EPHX1: variants seen among roughly 807,000 people sequenced by gnomAD.
The protein encoded by EPHX1 is epoxide hydrolase 1.
A neutral mutation model predicts 43.2 loss-of-function variants in EPHX1; 40 were observed. That is an observed-to-expected ratio of 0.93 (90% confidence interval 0.72 to 1.21). The LOEUF (loss-of-function observed/expected upper bound fraction) is 1.21, where lower values mean the gene tolerates loss of function less well. EPHX1 is among the 50% of genes most tolerant of loss of function. The pLI, the probability that EPHX1 is intolerant of heterozygous loss-of-function variation, is 0.00. For synonymous variants in EPHX1, 221 were observed against 226.7 expected, an observed-to-expected ratio of 0.98 and a Z score of 0.22; for missense variants, 550 against 570.4, an observed-to-expected ratio of 0.96 and a Z score of 0.36.
chr1:225,842,897 G>A (rs1248386121), intron 7 of EPHX1, among the ~76,000 whole-genome samples: 1 of 152,196 alleles, frequency 6.6e-6, no homozygotes, highest in African/African-American at 2.4e-5. Flanking sequence ...TAATCTCTCA[G>A]AGCCTTAGAG....
rs778066559 is a variant in EPHX1 at position 225,839,928 on chromosome 1, C to T, written c.822C>T (p.Leu274=). Residue 274 remains leucine (L), a synonymous_variant, in exon 6 of 9, where the codon CTC becomes CTT. Coordinates refer to ENST00000272167, the MANE Select transcript of EPHX1 (RefSeq NM_001136018.4). ...LGQRFGRFLG[L]TERDVELLYP... is the part of the protein sequence containing the mutation. ...AGCGTTTCGGGAGGTTTCTTGGCCT[C>T]ACTGAGAGGGATGTGGAGCTGCTGT... 6 of 1,614,108 alleles carry T rather than the reference C, an allele frequency of 3.7e-6. No homozygotes were observed. Among genetic ancestry groups the T allele is most frequent in the Non-Finnish European group, 4.2e-6 (5 of 1,180,044 alleles).
Position 225,845,382 on chromosome 1 carries a change from A to C in EPHX1, c.*35A>C, listed in dbSNP as rs4653695. ...CTCCCCCCGCCTGCCACCTCCCCCC[A>C]CAAGTGCCCTCCAGGCTTTTCTTGG... is the stretch of plus-strand genomic sequence containing the variant. On this transcript the variant is annotated 3_prime_UTR_variant, in exon 9 of 9. Coordinates refer to ENST00000272167, the MANE Select transcript of EPHX1 (RefSeq NM_001136018.4). 161,565 of 1,352,544 alleles carry C rather than the reference A, an allele frequency of 0.12. 9,841 individuals carry two copies. The highest frequency in any genetic ancestry group is 0.29 in the Admixed American group (11,736 of 41,056). The allele number at this position is 1,352,544 out of a possible 1,614,324, so 83.8% of individuals were successfully genotyped here.
At chr1:225,831,196 G>A (rs1411088999) in intron 2 of EPHX1, among the ~76,000 whole-genome samples, 1 of 152,146 alleles carries the variant, frequency 6.6e-6, no homozygotes, top group African/African-American at 2.4e-5. Context: ...AAAGTTTGCC[G>A]ACTCCCGCTG....
At chr1:225,833,807 A>C (rs886683122) in intron 3 of EPHX1, among the ~76,000 whole-genome samples, 4 of 147,578 alleles carry the variant, frequency 2.7e-5, no homozygotes, top group East Asian at 4.0e-4. Flanking sequence ...AAAAAAAAAA[A>C]AAAAAACAGG....
chr1:225,834,589 T>TAAAAA (rs33985896), intron 3 of EPHX1, among the ~76,000 whole-genome samples: 6 of 121,148 alleles, frequency 5.0e-5, no homozygotes, highest in South Asian at 2.9e-4. Context: ...CCAAGAACAC[T>TAAAAA]AAAAAAAAAA....
intron 1 of EPHX1, among the ~76,000 whole-genome samples, chr1:225,820,539 A>G (rs918895608): frequency 4.6e-5 from 7 of 152,300 alleles, no homozygotes; most frequent in Admixed American, 3.9e-4. Context: ...AAATGAGACA[A>G]CTACACTCGG....
intron 1 of EPHX1, among the ~76,000 whole-genome samples, chr1:225,816,080 A>G (rs1666713293): frequency 6.6e-6 from 1 of 152,210 alleles, no homozygotes; most frequent in African/African-American, 2.4e-5. Flanking sequence ...ATCGCTTAAC[A>G]GGAGTTTGAG....
rs1033464886 is a variant in EPHX1 at position 225,845,308 on chromosome 1, G to A, written c.1329G>A (p.Gln443=). The change falls in exon 9 of 9, where the codon CAG becomes CAA. Residue 443 remains glutamine (Q), a synonymous_variant. Coordinates refer to ENST00000272167, the MANE Select transcript of EPHX1 (RefSeq NM_001136018.4). ...TTGAGGAGCCGGAGCTGCTCGCCCA[G>A]GACATCCGCAAGTTCCTGTCGGTGC... ...AAFEEPELLA[Q]DIRKFLSVLE... is the part of the protein sequence containing the mutation. 1 of 1,612,290 alleles carries A rather than the reference G, an allele frequency of 6.2e-7. No homozygotes were observed. The highest frequency in any genetic ancestry group is 8.5e-7 in the Non-Finnish European group (1 of 1,179,984).
intron 1 of EPHX1, among the ~76,000 whole-genome samples, chr1:225,820,906 T>G (rs1305148950): frequency 3.9e-5 from 6 of 152,134 alleles, no homozygotes; most frequent in Admixed American, 3.9e-4. Context: ...TACAGGGTTG[T>G]GTGTTAGTCC....
chr1:225,825,010 C>T (rs1027347566), intron 1 of EPHX1, among the ~76,000 whole-genome samples: 13 of 152,224 alleles, frequency 8.5e-5, no homozygotes, highest in Admixed American at 8.5e-4. Context: ...CAAGCAAGTA[C>T]TAATATTCTT....
chr1:225,832,973 G>T (rs1443760048), intron 3 of EPHX1, among the ~76,000 whole-genome samples: 1 of 152,172 alleles, frequency 6.6e-6, no homozygotes, highest in African/African-American at 2.4e-5. Flanking sequence ...CCCACTCTGT[G>T]GGTTGCCATA....
intron 1 of EPHX1, chr1:225,810,733 ACAGT>A (rs1269153929): frequency 8.0e-6 from 1 of 125,602 alleles, no homozygotes; most frequent in Admixed American, 9.0e-5. Flanking sequence ...AAGGAAAATT[ACAGT>A]CAAAGGGGGG....
chr1:225,815,665 C>T (rs912012025), intron 1 of EPHX1, among the ~76,000 whole-genome samples: 5 of 152,174 alleles, frequency 3.3e-5, no homozygotes, highest in African/African-American at 1.2e-4. Flanking sequence ...AGCATTGCCA[C>T]AAACAAACTA....
rs34868815 is a variant in EPHX1 at position 225,839,366 on chromosome 1, GGTGTGTGT to G, written c.722+49_722+56del. The G allele has an allele frequency of 6.1e-3, 9,490 of 1,560,502 alleles. 172 individuals carry two copies. In the African/African-American group the frequency reaches 0.095, roughly 16 times the overall value. ...GCCCAGGTGAGGTCACTGTTGGGGTGGTGTGTGTGTGTGTGTGTGTGTGTGTGTGTGTG... is the reference window on the plus strand; with the variant it reads ...GCCCAGGTGAGGTCACTGTTGGGGTGGTGTGTGTGTGTGTGTGTGTGTGTG... On this transcript the variant is annotated intron_variant, in intron 5 of 8. Coordinates refer to ENST00000272167, the MANE Select transcript of EPHX1 (RefSeq NM_001136018.4).
intron 1 of EPHX1, among the ~76,000 whole-genome samples, chr1:225,813,347 A>G (rs1666572475): frequency 1.3e-5 from 2 of 152,112 alleles, no homozygotes; most frequent in African/African-American, 2.4e-5. Context: ...ACCCAGACCT[A>G]GTGGCTTAGG....
intron 8 of EPHX1, 57 bp downstream of exon 8, chr1:225,844,680 C>T: frequency 1.2e-6 from 2 of 1,607,342 alleles, no homozygotes; most frequent in Non-Finnish European, 1.7e-6. Flanking sequence ...GGGGGACGGC[C>T]AGTCTTGGGC....
chr1:225,830,551 G>A (rs1199894276), intron 2 of EPHX1, among the ~76,000 whole-genome samples: 2 of 152,098 alleles, frequency 1.3e-5, no homozygotes, highest in African/African-American at 4.8e-5. Context: ...TGCAACCTCC[G>A]CCTCCTGGGT....
intron 1 of EPHX1, among the ~76,000 whole-genome samples, chr1:225,818,270 A>G (rs1445348616): frequency 6.6e-6 from 1 of 152,238 alleles, no homozygotes; most frequent in East Asian, 1.9e-4. Context: ...ACAAATAATT[A>G]AGCTTCTACT....
Position 225,839,826 on chromosome 1 carries a change from C to T in EPHX1, c.723-3C>T. The stretch of plus-strand genomic sequence containing the variant: ...TCACCCCGGCCCCTCTCTCTGCCTT[C>T]AGCCACGTGAAAGGCCTGCACTTGA... On this transcript the variant is annotated splice_region_variant and splice_polypyrimidine_tract_variant and intron_variant, in intron 5 of 8. Transcript: ENST00000272167. 1 of 1,613,616 alleles carries T rather than the reference C, an allele frequency of 6.2e-7. No individual in the cohort carries two copies. Among genetic ancestry groups the T allele is most frequent in the Non-Finnish European group, 8.5e-7 (1 of 1,179,910 alleles).
Sources: gnomAD v4.1 joint callset for allele counts (sites outside exome capture counted in the v4.1 genomes callset) on GRCh38, gnomAD v4.1.1 for gene constraint, MANE v1.5 for transcripts, NCBI Gene and HGNC (gene_info 2026-07-23, HGNC 2026-07-21) for gene names.